The following USP10 variants were observed in gnomAD, a reference collection of about 807,000 sequenced individuals.
The protein encoded by USP10 is ubiquitin carboxyl-terminal hydrolase 10.
In USP10, 22 loss-of-function variants were observed where a neutral mutation model predicts 84.5. The ratio of observed to expected loss-of-function variants is 0.26; its 90% CI spans 0.19 to 0.37. USP10 has a LOEUF of 0.37. Ranked by LOEUF, USP10 falls within the 10% of genes least tolerant of loss-of-function variation. The pLI, the probability that USP10 is intolerant of heterozygous loss-of-function variation, is 1.00. For synonymous variants in USP10, 454 were observed against 387.6 expected (o/e 1.17, Z -2.01); for missense variants, 1,019 against 998.9 (o/e 1.02, Z -0.27).
chr16:84,749,901 G>A (rs1247088219), intron 4 of USP10, among the ~76,000 whole-genome samples: 4 of 152,124 alleles, frequency 2.6e-5, no homozygotes, highest in Admixed American at 2.6e-4. Context: ...TGTTCCATTG[G>A]CTGTTTTTCA....
At chr16:84,700,138 G>A (rs1374001661) in intron 1 of USP10, 27 bp downstream of exon 1, 3 of 1,324,056 alleles carry the variant, frequency 2.3e-6, no homozygotes, top group South Asian at 3.1e-5. Context: ...GCCTTCGGCC[G>A]GAAGGGGCCC....
chr16:84,713,576 T>G (rs1906595834), intron 1 of USP10, among the ~76,000 whole-genome samples: 1 of 152,224 alleles, frequency 6.6e-6, no homozygotes, highest in Non-Finnish European at 1.5e-5. Context: ...CTTTGTTCAC[T>G]GCTGGGGCCC....
In USP10 at chr16:84,768,361, A is replaced by G. The variant is rs771433494; in HGVS notation, c.1998+3A>G. On this transcript the variant is annotated splice_donor_region_variant and intron_variant, in intron 11 of 13. Coordinates refer to ENST00000219473, the MANE Select transcript of USP10 (RefSeq NM_005153.3). ...ATACCACAAAAACCAAACAAGAGGT[A>G]TGTTCACACTTGATTTTGAACCTTT... 1.2e-5 allele frequency: 19 copies of G among 1,592,446 alleles called. No homozygotes were observed. The highest frequency in any genetic ancestry group is 1.5e-5 in the Non-Finnish European group (17 of 1,167,590).
chr16:84,709,598 C>G (rs1482375690), intron 1 of USP10, among the ~76,000 whole-genome samples: 1 of 151,860 alleles, frequency 6.6e-6, no homozygotes, highest in Non-Finnish European at 1.5e-5. Context: ...TCATTTAGGG[C>G]AGGGTCCTTG....
chr16:84,743,568 C>A (rs1327690519), intron 3 of USP10, among the ~76,000 whole-genome samples: 1 of 152,036 alleles, frequency 6.6e-6, no homozygotes, highest in Non-Finnish European at 1.5e-5. Flanking sequence ...AAAAAATTGG[C>A]CCCTTAATGC....
chr16:84,711,373 C>T, intron 1 of USP10, among the ~76,000 whole-genome samples: 1 of 152,206 alleles, frequency 6.6e-6, no homozygotes, highest in Non-Finnish European at 1.5e-5. Context: ...CACTCCCCCA[C>T]AGCTCAGTGT....
intron 1 of USP10, chr16:84,704,958 C>T (rs1291420815): frequency 6.6e-7 from 1 of 1,505,530 alleles, no homozygotes; most frequent in Non-Finnish European, 8.9e-7. Flanking sequence ...GGAGAATGTG[C>T]ATGTGGAGTG....
intron 3 of USP10, among the ~76,000 whole-genome samples, chr16:84,743,496 C>G (rs1910863022): frequency 6.6e-6 from 1 of 152,064 alleles, no homozygotes; most frequent in African/African-American, 2.4e-5. Flanking sequence ...ATATTCAGTT[C>G]TCCGCAGTAG....
At chr16:84,724,826 G>C (rs6564071) in intron 1 of USP10, among the ~76,000 whole-genome samples, 151,446 of 152,316 alleles carry the variant, frequency 0.99, 75,299 homozygotes, top group East Asian at 1. Flanking sequence ...GAACTTCCTG[G>C]TGTGCATTCA....
chr16:84,759,356 T>C lies in USP10; in HGVS notation c.1285-7T>C. 1 of 1,613,646 alleles carries C rather than the reference T, an allele frequency of 6.2e-7. No individual in the cohort carries two copies. Among genetic ancestry groups the C allele is most frequent in the Non-Finnish European group, 8.5e-7 (1 of 1,179,554 alleles). On this transcript the variant is annotated splice_polypyrimidine_tract_variant and splice_region_variant and intron_variant, in intron 5 of 13. Transcript: ENST00000219473. ...TTCCTTTACGCTTCCTTACTGCCAC[T>C]ACATAGACACTGCAGGCATTGGTTG...
At chr16:84,753,448 A>T (rs1465449560) in intron 4 of USP10, among the ~76,000 whole-genome samples, 1 of 151,746 alleles carries the variant, frequency 6.6e-6, no homozygotes, top group Non-Finnish European at 1.5e-5. Flanking sequence ...GGGGATTCTG[A>T]TGTCTGTATT....
At chr16:84,735,672 A>C (rs1423606448) in intron 2 of USP10, among the ~76,000 whole-genome samples, 1 of 152,220 alleles carries the variant, frequency 6.6e-6, no homozygotes, top group East Asian at 1.9e-4. Context: ...AGTTATGCCA[A>C]ACCTTTTATT....
chr16:84,748,607 A>G (rs1567627604), intron 4 of USP10, among the ~76,000 whole-genome samples: 1 of 152,108 alleles, frequency 6.6e-6, no homozygotes. Context: ...CCCAGCTGAG[A>G]ATATTATAGT....
At chr16:84,775,338 T>C (rs1389121733) in intron 13 of USP10, 113 bp downstream of exon 13, 2 of 1,050,396 alleles carry the variant, frequency 1.9e-6, no homozygotes, top group East Asian at 2.4e-5. Flanking sequence ...TACTCAGGTA[T>C]CCCTGTGGCC....
At chr16:84,739,860 C>G (rs941653965) in intron 2 of USP10, among the ~76,000 whole-genome samples, 3 of 152,172 alleles carry the variant, frequency 2.0e-5, no homozygotes, top group African/African-American at 7.2e-5. Context: ...GACCATGGAC[C>G]TGGTCCCAGC....
intron 11 of USP10, among the ~76,000 whole-genome samples, chr16:84,770,569 G>A (rs1035460619): frequency 1.3e-5 from 2 of 152,066 alleles, no homozygotes; most frequent in African/African-American, 2.4e-5. Flanking sequence ...TCAGGAGATC[G>A]AGACCATCCT....
In USP10 at chr16:84,744,957, A is replaced by T. The variant is rs370823182; in HGVS notation, c.476A>T (p.Tyr159Phe). The change falls in exon 4 of 14, where the codon TAT becomes TTT. Residue 159 changes from tyrosine to phenylalanine, a missense_variant. Tyr to Phe is a conservative substitution (Grantham distance 22). Around this residue, in one of 2 missense-constraint regions of USP10, gnomAD observed 787 missense variants for 708.8 expected, o/e 1.11. Coordinates refer to ENST00000219473, the MANE Select transcript of USP10 (RefSeq NM_005153.3). ...AAGAAGAAAAAGCGGCCACCTGGAT[A>T]TTACAGCTATTTGAAAGATGGTGGC... ...RKKKKKRPPG[Y>F]YSYLKDGGDD... 6.2e-7 allele frequency: 1 copy of T among 1,613,690 alleles called. No homozygotes were observed. The highest frequency in any genetic ancestry group is 1.3e-5 in the African/African-American group (1 of 74,930).
chr16:84,702,608 C>A (rs1207413841), intron 1 of USP10, among the ~76,000 whole-genome samples: 1 of 152,084 alleles, frequency 6.6e-6, no homozygotes, highest in African/African-American at 2.4e-5. Context: ...TTGGGAATAA[C>A]AACTGCAAAT....
chr16:84,729,865 A>G (rs762329249), intron 1 of USP10, among the ~76,000 whole-genome samples: 10 of 152,250 alleles, frequency 6.6e-5, no homozygotes, highest in Admixed American at 2.0e-4. Flanking sequence ...TCAGTGTTGC[A>G]TAGCTGGTAA....
Sources: allele counts gnomAD v4.1 joint callset (sites outside exome capture counted in the v4.1 genomes callset), GRCh38; gene constraint gnomAD v4.1.1; regional missense constraint gnomAD v4.1.1; transcripts MANE v1.5; gene names NCBI Gene and HGNC (gene_info 2026-07-23, HGNC 2026-07-21).